IMMP2L: variants seen among roughly 807,000 people sequenced by gnomAD.
The protein encoded by IMMP2L is mitochondrial inner membrane protease subunit 2.
Under a neutral mutation model 19.3 loss-of-function variants are expected in IMMP2L, and 18 were observed. The ratio of observed to expected loss-of-function variants is 0.93; its 90% CI spans 0.64 to 1.38. The LOEUF (loss-of-function observed/expected upper bound fraction) is 1.38. Ranked by LOEUF, IMMP2L falls within the 40% of genes most tolerant of loss-of-function variation. IMMP2L has a pLI of 0.00. For synonymous variants in IMMP2L, 76 were observed against 73.0 expected (o/e 1.04, Z -0.21); for missense variants, 233 against 218.2 (o/e 1.07, Z -0.43).
chr7:111,011,189 G>A (rs6975872), intron 3 of IMMP2L, among the ~76,000 whole-genome samples: 1 of 152,060 alleles, frequency 6.6e-6, no homozygotes, highest in Non-Finnish European at 1.5e-5. Flanking sequence ...GTTGCCAGTG[G>A]AAAGAGAGAA....
intron 5 of IMMP2L, among the ~76,000 whole-genome samples, chr7:110,820,889 C>G (rs1445982141): frequency 6.6e-6 from 1 of 151,990 alleles, no homozygotes; most frequent in Non-Finnish European, 1.5e-5. Context: ...CTCTCTTTTC[C>G]TCATCTATAA....
At chr7:110,961,035 C>T (rs1431554673) in intron 4 of IMMP2L, among the ~76,000 whole-genome samples, 1 of 151,760 alleles carries the variant, frequency 6.6e-6, no homozygotes, top group Non-Finnish European at 1.5e-5. Context: ...TTCACAATAC[C>T]AAGTGCTGGC....
intron 3 of IMMP2L, among the ~76,000 whole-genome samples, chr7:111,303,211 T>C (rs1048960948): frequency 2.0e-5 from 3 of 152,130 alleles, no homozygotes; most frequent in African/African-American, 7.2e-5. Flanking sequence ...CTAAGTGAGC[T>C]ATAGAAATCT....
At chr7:111,255,074 C>A (rs1234504251) in intron 3 of IMMP2L, among the ~76,000 whole-genome samples, 2 of 151,856 alleles carry the variant, frequency 1.3e-5, no homozygotes, top group African/African-American at 4.8e-5. Context: ...GATGAAACTG[C>A]CAGTTAAATA....
At chr7:111,234,040 T>C (rs940771801) in intron 3 of IMMP2L, among the ~76,000 whole-genome samples, 15 of 152,224 alleles carry the variant, frequency 9.9e-5, no homozygotes, top group Middle Eastern at 3.4e-3. Flanking sequence ...AGTTGGATGG[T>C]CATTATAATA....
rs546352345 is a variant in IMMP2L at position 111,105,574 on chromosome 7, TG to T, written c.240-142010del. Among the ~76,000 whole-genome samples, 517 of 151,976 alleles carry T rather than the reference TG, an allele frequency of 3.4e-3. 2 individuals are homozygous for T. Among genetic ancestry groups the T allele is most frequent in the African/African-American group, 0.012 (493 of 41,544 alleles). On this transcript the variant is annotated intron_variant, in intron 3 of 5. Transcript: ENST00000405709. ...AACTGCCACATGCAATTTAGCTGGCTGGGGGGAAAACACCCTTAGAGTACTT... is the reference window on the plus strand; with the variant it reads ...AACTGCCACATGCAATTTAGCTGGCTGGGGGAAAACACCCTTAGAGTACTT...
At chr7:111,070,930 A>G (rs1048013592) in intron 3 of IMMP2L, among the ~76,000 whole-genome samples, 2 of 152,232 alleles carry the variant, frequency 1.3e-5, no homozygotes, top group African/African-American at 2.4e-5. Flanking sequence ...GAGAAAAATC[A>G]TGACTTTAAA....
intron 3 of IMMP2L, among the ~76,000 whole-genome samples, chr7:111,203,192 T>C (rs1448721177): frequency 1.3e-5 from 2 of 152,172 alleles, no homozygotes; most frequent in African/African-American, 4.8e-5. Flanking sequence ...GTCAGTCACC[T>C]TAATAGGCAA....
intron 1 of IMMP2L, among the ~76,000 whole-genome samples, 156 bp downstream of exon 1, chr7:111,561,695 T>C (rs528537832): frequency 5.9e-5 from 9 of 152,208 alleles, no homozygotes; most frequent in Admixed American, 3.9e-4. Context: ...GCCTGGAGCC[T>C]GTGACTTTGA....
intron 3 of IMMP2L, among the ~76,000 whole-genome samples, chr7:111,058,249 G>C (rs1000107122): frequency 6.6e-6 from 1 of 152,056 alleles, no homozygotes; most frequent in African/African-American, 2.4e-5. Context: ...CTATTATTAT[G>C]AGTTCAAACA....
At chr7:111,347,365 C>T (rs1043852001) in intron 3 of IMMP2L, among the ~76,000 whole-genome samples, 2 of 151,870 alleles carry the variant, frequency 1.3e-5, no homozygotes, top group East Asian at 1.9e-4. Context: ...AAGAGAAATG[C>T]CAGAAGACAG....
At chr7:111,353,288 G>A (rs544023418) in intron 3 of IMMP2L, among the ~76,000 whole-genome samples, 3 of 152,104 alleles carry the variant, frequency 2.0e-5, no homozygotes, top group Admixed American at 1.3e-4. Context: ...TCAGGCTGTA[G>A]AGGAAAGAAA....
intron 4 of IMMP2L, among the ~76,000 whole-genome samples, chr7:110,935,940 C>A (rs910067448): frequency 6.6e-6 from 1 of 152,082 alleles, no homozygotes; most frequent in African/African-American, 2.4e-5. Context: ...CAAAAGCAAG[C>A]AATGGGGAAA....
intron 3 of IMMP2L, among the ~76,000 whole-genome samples, chr7:110,998,166 C>T (rs896587288): frequency 2.6e-5 from 4 of 152,122 alleles, no homozygotes; most frequent in African/African-American, 9.7e-5. Context: ...TGCCCTCTTC[C>T]AGTATGACCT....
rs555922398 is a variant in IMMP2L at position 110,941,667 on chromosome 7, T to C, written c.305+21833A>G. ...CTGCATTCATTCTCAGCAGACTTAA[T>C]TGAAATACCTTTATGCTTTTCAAGT... On this transcript the variant is annotated intron_variant, in intron 4 of 5. Coordinates refer to ENST00000405709, the MANE Select transcript of IMMP2L (RefSeq NM_032549.4). Among the ~76,000 whole-genome samples, 8 of 152,304 alleles carry C rather than the reference T, an allele frequency of 5.3e-5. No homozygotes were observed. In the East Asian group the frequency reaches 9.6e-4, roughly 18 times the overall value.
At chr7:110,827,761 A>G (rs1803635097) in intron 5 of IMMP2L, among the ~76,000 whole-genome samples, 1 of 152,154 alleles carries the variant, frequency 6.6e-6, no homozygotes, top group African/African-American at 2.4e-5. Context: ...AGTCCTTCAC[A>G]TACTTGAATA....
chr7:111,512,839 C>G (rs1376334022), intron 2 of IMMP2L, among the ~76,000 whole-genome samples: 3 of 152,050 alleles, frequency 2.0e-5, no homozygotes, highest in Non-Finnish European at 4.4e-5. Context: ...ATGCCAAGAA[C>G]ATACAATGAG....
intron 3 of IMMP2L, among the ~76,000 whole-genome samples, chr7:111,296,209 C>G (rs74339075): frequency 0.056 from 8,433 of 150,984 alleles, 313 homozygotes; most frequent in Middle Eastern, 0.096. Flanking sequence ...TTAAAATGGG[C>G]AAAATAATCT....
chr7:111,071,395 C>A (rs1790788303), intron 3 of IMMP2L, among the ~76,000 whole-genome samples: 2 of 151,938 alleles, frequency 1.3e-5, no homozygotes, highest in Non-Finnish European at 2.9e-5. Flanking sequence ...GGTACGTATA[C>A]CCTGAAACTA....
Sources: gnomAD v4.1 joint callset for allele counts (sites outside exome capture counted in the v4.1 genomes callset) on GRCh38, gnomAD v4.1.1 for gene constraint, MANE v1.5 for transcripts, NCBI Gene and HGNC (gene_info 2026-07-23, HGNC 2026-07-21) for gene names.